FGD4: variants seen among roughly 807,000 people sequenced by gnomAD.
FGD4 encodes FYVE, RhoGEF and PH domain containing 4, also known as FYVE, RhoGEF and PH domain-containing protein 4.
Under a neutral mutation model 102.0 loss-of-function variants are expected in FGD4, and 42 were observed. That is an observed-to-expected ratio of 0.41 (90% CI 0.32 to 0.53). FGD4 has a LOEUF of 0.53. Ranked by LOEUF, FGD4 falls within the 20% of genes least tolerant of loss-of-function variation. FGD4 has a pLI of 0.21. For missense variants in FGD4, 902 were observed against 1,078.2 expected (o/e 0.84, Z 2.29); for synonymous variants, 380 against 375.7 (o/e 1.01, Z -0.13).
rs545504637 is a variant in FGD4, at chr12:32,472,625, C to T, written c.166+72666C>T. Among the ~76,000 whole-genome samples, 4 of 152,378 alleles carry T rather than the reference C, an allele frequency of 2.6e-5. No homozygotes were observed. The South Asian group carries it at 6.2e-4, about 24-fold the overall frequency. ...CAAGCCTCCCGGACGAGCACCACCC[C>T]CTGCTCCACGGCGCCCAGTCCCATC... On this transcript the variant is annotated intron_variant, in intron 1 of 16. Transcript: ENST00000534526.
intron 1 of FGD4, among the ~76,000 whole-genome samples, chr12:32,421,713 C>A (rs1941632206): frequency 6.6e-6 from 1 of 152,124 alleles, no homozygotes; most frequent in Admixed American, 6.6e-5. Context: ...CCTTACCAGT[C>A]ACATATGTGG....
intron 14 of FGD4, among the ~76,000 whole-genome samples, chr12:32,632,927 T>A (rs1950578689): frequency 6.6e-6 from 1 of 151,264 alleles, no homozygotes; most frequent in Non-Finnish European, 1.5e-5. Context: ...TTGGAGGAGG[T>A]TTAAGAGTGG....
At chr12:32,623,934 C>T in intron 11 of FGD4, among the ~76,000 whole-genome samples, 1 of 152,054 alleles carries the variant, frequency 6.6e-6, no homozygotes, top group East Asian at 1.9e-4. Flanking sequence ...CTAAAGCCTT[C>T]TAAGAACTGG....
chr12:32,574,328 AGT>A (rs577283198), intron 2 of FGD4, among the ~76,000 whole-genome samples: 177 of 140,566 alleles, frequency 1.3e-3, no homozygotes, highest in African/African-American at 3.9e-3. Context: ...CATAACCTTA[AGT>A]GTTTTTTTTT....
chr12:32,636,725 T>C (rs1346358592), intron 15 of FGD4, among the ~76,000 whole-genome samples: 2 of 152,110 alleles, frequency 1.3e-5, no homozygotes, highest in African/African-American at 4.8e-5. Context: ...TTTGCAGACC[T>C]GGAGACCAAC....
At chr12:32,538,629 G>A (rs558379413) in intron 1 of FGD4, among the ~76,000 whole-genome samples, 6 of 152,242 alleles carry the variant, frequency 3.9e-5, no homozygotes, top group Admixed American at 3.9e-4. Context: ...ACATGATTTT[G>A]GATGATTAAT....
Position 32,610,841 on chromosome 12 carries a change from G to A in FGD4, c.1602+7G>A, listed in dbSNP as rs369751598. 25 of 1,613,226 alleles carry A rather than the reference G, an allele frequency of 1.5e-5. No individual in the cohort carries two copies. The highest frequency in any genetic ancestry group is 2.1e-5 in the Non-Finnish European group (25 of 1,179,586). ...TAGTGCAATAAGGAAAATGGTAAGTGGTTTTCGGAGGAGACAGGAACCTCT... is the reference window on the plus strand; with the variant it reads ...TAGTGCAATAAGGAAAATGGTAAGTAGTTTTCGGAGGAGACAGGAACCTCT... On this transcript the variant is annotated splice_region_variant and intron_variant, in intron 9 of 16. Coordinates refer to ENST00000534526, the MANE Select transcript of FGD4 (RefSeq NM_001370298.3).
chr12:32,563,220 C>G (rs1372686404), intron 1 of FGD4, among the ~76,000 whole-genome samples: 2 of 151,434 alleles, frequency 1.3e-5, no homozygotes, highest in Non-Finnish European at 2.9e-5. Context: ...GGCTGCCGGG[C>G]AGAGGGGCTC....
intron 2 of FGD4, among the ~76,000 whole-genome samples, chr12:32,567,226 T>A (rs1380494821): frequency 3.9e-5 from 6 of 152,224 alleles, no homozygotes; most frequent in Admixed American, 3.3e-4. Flanking sequence ...GCAGTGTTAT[T>A]TTCATACTTT....
At chr12:32,475,371 A>G (rs1943558464) in intron 1 of FGD4, among the ~76,000 whole-genome samples, 1 of 152,206 alleles carries the variant, frequency 6.6e-6, no homozygotes, top group African/African-American at 2.4e-5. Flanking sequence ...ATACTCCCAC[A>G]AATCGTTTTA....
rs1339062689 is a variant in FGD4 at position 32,562,828 on chromosome 12, C to T, written c.167-1309C>T. Among the ~76,000 whole-genome samples, 44 of 152,346 alleles carry T rather than the reference C, an allele frequency of 2.9e-4. 1 individual carries two copies. Among genetic ancestry groups the T allele is most frequent in the South Asian group, 6.2e-4 (3 of 4,822 alleles). On this transcript the variant is annotated intron_variant, in intron 1 of 16. Transcript: ENST00000534526. ...ATGTCTACTTCTTTCTACACAGACA[C>T]GGCAACCATCCGACTTCTCAATCTT...
chr12:32,470,821 A>G (rs1043976323), intron 1 of FGD4, among the ~76,000 whole-genome samples: 4 of 152,024 alleles, frequency 2.6e-5, no homozygotes, highest in African/African-American at 9.7e-5. Context: ...GCTGACTTCC[A>G]CATTCTCTTG....
At chr12:32,406,173 C>T (rs1313107930) in intron 1 of FGD4, among the ~76,000 whole-genome samples, 2 of 151,888 alleles carry the variant, frequency 1.3e-5, no homozygotes, top group African/African-American at 2.4e-5. Flanking sequence ...AACTCCCGAC[C>T]TCAGGTGATC....
At chr12:32,557,897 T>C (rs990210357) in intron 1 of FGD4, among the ~76,000 whole-genome samples, 2 of 152,176 alleles carry the variant, frequency 1.3e-5, no homozygotes, top group Admixed American at 6.5e-5. Context: ...TTGGGAGTTA[T>C]GATAGAAGAC....
chr12:32,453,492 C>T (rs994039043), intron 1 of FGD4, among the ~76,000 whole-genome samples: 1 of 151,800 alleles, frequency 6.6e-6, no homozygotes, highest in Non-Finnish European at 1.5e-5. Context: ...CCTCGGCATC[C>T]CAAAGTGCTG....
Position 32,570,017 on chromosome 12 carries a change from C to T in FGD4, c.319+5728C>T, listed in dbSNP as rs542859678. Among the ~76,000 whole-genome samples the T allele has an allele frequency of 5.4e-3, 816 of 151,948 alleles. 6 individuals are homozygous for T. The highest frequency in any genetic ancestry group is 0.019 in the African/African-American group (779 of 41,446). ...CAGCACTTTGGGAGGCCGAGGTGGG[C>T]GGATCACGAGGTCAGGAGTTCGAGA... On this transcript the variant is annotated intron_variant, in intron 2 of 16. Coordinates refer to ENST00000534526, the MANE Select transcript of FGD4 (RefSeq NM_001370298.3).
chr12:32,622,116 C>T (rs1193018973), intron 11 of FGD4, among the ~76,000 whole-genome samples: 1 of 152,120 alleles, frequency 6.6e-6, no homozygotes, highest in Non-Finnish European at 1.5e-5. Context: ...TTGAACTGAC[C>T]TCAGGTGATC....
intron 1 of FGD4, among the ~76,000 whole-genome samples, chr12:32,453,200 T>TTTTATATATA (rs1470836726): frequency 1.5e-5 from 1 of 64,590 alleles, no homozygotes; most frequent in African/African-American, 5.0e-5. Context: ...TATATATATA[T>TTTTATATATA]TATATATATA....
intron 4 of FGD4, among the ~76,000 whole-genome samples, chr12:32,594,793 A>T (rs1299742019): frequency 6.6e-6 from 1 of 152,200 alleles, no homozygotes; most frequent in East Asian, 1.9e-4. Flanking sequence ...GCACTTTGGG[A>T]GGCCAAAGCA....
Sources: gnomAD v4.1 joint callset for allele counts (sites outside exome capture counted in the v4.1 genomes callset) on GRCh38, gnomAD v4.1.1 for gene constraint, MANE v1.5 for transcripts, NCBI Gene and HGNC (gene_info 2026-07-23, HGNC 2026-07-21) for gene names.